The following COMMD9 variants were observed in gnomAD, a reference collection of about 807,000 sequenced individuals.
COMMD9 encodes COMM domain containing 9, also known as COMM domain-containing protein 9.
In COMMD9, 22 loss-of-function variants were observed where a neutral mutation model predicts 23.4. The observed-to-expected ratio is 0.94, with a 90% CI of 0.67 to 1.34. The LOEUF (loss-of-function observed/expected upper bound fraction) is 1.34, where lower values mean the gene tolerates loss of function less well. COMMD9 is among the 40% of genes most tolerant of loss of function. The pLI, the probability that COMMD9 is intolerant of heterozygous loss-of-function variation, is 0.00. For missense variants in COMMD9, 231 were observed against 240.2 expected, an observed-to-expected ratio of 0.96 and a Z score of 0.25; for synonymous variants, 99 against 97.4, an observed-to-expected ratio of 1.02 and a Z score of -0.10.
At chr11:36,287,618 A>T (rs67091364) in intron 1 of COMMD9, among the ~76,000 whole-genome samples, 23,070 of 151,746 alleles carry the variant, frequency 0.15, 1,986 homozygotes, top group African/African-American at 0.23. Context: ...GTATTTTTTT[A>T]AAAAAAGAAA....
In COMMD9 at chr11:36,274,317, G is replaced by A. The variant is rs936637445; in HGVS notation, c.*315C>T. ...GATTTGGGCCTGAATTTCTCAAACA[G>A]CTATGCAGAGGCAGCTGACGATGCA... On this transcript the variant is annotated 3_prime_UTR_variant, in exon 6 of 6. Transcript: ENST00000263401. 5.2e-6 allele frequency: 3 copies of A among 576,956 alleles called. No homozygotes were observed. Among genetic ancestry groups the A allele is most frequent in the Admixed American group, 2.2e-5 (1 of 46,122 alleles). 35.7% of individuals were successfully genotyped at this position (576,956 alleles called of 1,614,324 possible).
Position 36,274,199 on chromosome 11 carries a change from C to T in COMMD9, c.*433G>A, listed in dbSNP as rs1855929003. The T allele has an allele frequency of 2.2e-6, 1 of 452,088 alleles. No individual in the cohort carries two copies. Among genetic ancestry groups the T allele is most frequent in the African/African-American group, 2.0e-5 (1 of 50,072 alleles). 28.0% of individuals were successfully genotyped at this position (452,088 alleles called of 1,614,324 possible). ...ACAGAGGAGCAGGAACTGCTGGCATCACCTGTCCGATTCCCTCCATGTGTT... is the reference window on the plus strand; with the variant it reads ...ACAGAGGAGCAGGAACTGCTGGCATTACCTGTCCGATTCCCTCCATGTGTT... On this transcript the variant is annotated 3_prime_UTR_variant, in exon 6 of 6. Coordinates refer to ENST00000263401, the MANE Select transcript of COMMD9 (RefSeq NM_014186.4).
At chr11:36,286,410 A>AAAAAAAAAAG (rs1285648187) in intron 1 of COMMD9, among the ~76,000 whole-genome samples, 12 of 104,822 alleles carry the variant, frequency 1.1e-4, no homozygotes, top group African/African-American at 2.7e-4. Context: ...AAAAAAAAAA[A>AAAAAAAAAAG]AAAGAAAGAA....
rs1013363155 is a variant in COMMD9, at chr11:36,274,031, G to A, written c.*601C>T. The A allele has an allele frequency of 1.8e-4, 47 of 254,452 alleles. No homozygotes were observed. The highest frequency in any genetic ancestry group is 3.1e-4 in the Non-Finnish European group (39 of 124,100). 15.8% of individuals were successfully genotyped at this position (254,452 alleles called of 1,614,324 possible). On this transcript the variant is annotated 3_prime_UTR_variant, in exon 6 of 6. Transcript: ENST00000263401. ...CCTAGGAGTGGCTGCATTAGATGAA[G>A]GAAGAGGGCCCTGGTTTCATGAAGA...
At chr11:36,278,248 C>A in intron 3 of COMMD9, 1 of 446,564 alleles carries the variant, frequency 2.2e-6, no homozygotes, top group Non-Finnish European at 3.9e-6. Flanking sequence ...AAACATCAAC[C>A]TCTTACAGAG....
At position 36,289,371 on chromosome 11, in the gene COMMD9, G is replaced by A; in HGVS notation, c.42C>T (p.Ser14=). ...CACCCCTTCGACTTACCTTGAGCAG[G>A]CTCTGGAGTGCTGCAAAATGCTCCG... The part of the protein sequence containing the change: ...LTAEHFAALQ[S]LLKASSKDVV... Residue 14 remains serine, a synonymous_variant, in exon 1 of 6, where the codon AGC becomes AGT. Coordinates refer to ENST00000263401, the MANE Select transcript of COMMD9 (RefSeq NM_014186.4). 1 of 1,551,860 alleles carries A rather than the reference G, an allele frequency of 6.4e-7. No homozygotes were observed. Among genetic ancestry groups the A allele is most frequent in the Non-Finnish European group, 8.7e-7 (1 of 1,147,066 alleles).
intron 5 of COMMD9, among the ~76,000 whole-genome samples, chr11:36,275,653 A>G (rs1428499579): frequency 6.6e-6 from 1 of 152,196 alleles, no homozygotes; most frequent in Non-Finnish European, 1.5e-5. Context: ...CATGTTGGCA[A>G]GGATGGTCTT....
Position 36,272,907 on chromosome 11 carries a change from A to G in COMMD9, c.*1725T>C, listed in dbSNP as rs1396105283. ...TCTCAATGAGCTGGTTTCCTGGTCA[A>G]TAAAGGGAGGATGATAATACTAATT... On this transcript the variant is annotated 3_prime_UTR_variant, in exon 6 of 6. Coordinates refer to ENST00000263401, the MANE Select transcript of COMMD9 (RefSeq NM_014186.4). The G allele has an allele frequency of 6.6e-6, 1 of 152,220 alleles. No individual in the cohort carries two copies. Among genetic ancestry groups the G allele is most frequent in the East Asian group, 1.9e-4 (1 of 5,202 alleles). 9.4% of individuals were successfully genotyped at this position (152,220 alleles called of 1,614,324 possible).
At chr11:36,286,463 G>C (rs73443110) in intron 1 of COMMD9, among the ~76,000 whole-genome samples, 2,451 of 151,240 alleles carry the variant, frequency 0.016, 61 homozygotes, top group African/African-American at 0.055. Flanking sequence ...GCCTGGAGGG[G>C]TGGTGGGCAC....
At chr11:36,285,531 G>C (rs1440846032) in intron 1 of COMMD9, among the ~76,000 whole-genome samples, 2 of 152,016 alleles carry the variant, frequency 1.3e-5, no homozygotes, top group Non-Finnish European at 2.9e-5. Context: ...GTATTACCCT[G>C]ATACCAAAAC....
At chr11:36,286,402 AAAAAAAAAAAAGAAAG>A (rs1856153613) in intron 1 of COMMD9, among the ~76,000 whole-genome samples, 2 of 85,146 alleles carry the variant, frequency 2.3e-5, no homozygotes, top group Non-Finnish European at 4.7e-5. Context: ...ATACAAAAAA[AAAAAAAAAAAAGAAAG>A]AAAGAAAGAA....
At chr11:36,282,580 C>G (rs932758261) in intron 1 of COMMD9, among the ~76,000 whole-genome samples, 1 of 151,980 alleles carries the variant, frequency 6.6e-6, no homozygotes, top group Non-Finnish European at 1.5e-5. Context: ...AAGAAGAAAT[C>G]GAGACATTCT....
chr11:36,280,775 G>C lies in COMMD9; in HGVS notation c.114C>G (p.Gly38=). 1 of 1,610,384 alleles carries C rather than the reference G, an allele frequency of 6.2e-7. No homozygotes were observed. Among genetic ancestry groups the C allele is most frequent in the Non-Finnish European group, 8.5e-7 (1 of 1,177,666 alleles). Residue 38 remains glycine (G), a synonymous_variant, in exon 2 of 6, where the codon GGC becomes GGG. Transcript: ENST00000263401. ...ATGTAACATCCAAGAGTTTTTTCAA[G>C]CCAAGGGCTGAACTGGAAAAGCTTT... is the stretch of plus-strand genomic sequence containing the variant. The part of the protein sequence containing the change: ...CQESFSSSAL[G]LKKLLDVTCS...
intron 1 of COMMD9, among the ~76,000 whole-genome samples, chr11:36,286,410 A>AAAAAAAAAAAAAAAAG (rs1285648187): frequency 1.9e-5 from 2 of 104,824 alleles, no homozygotes; most frequent in Non-Finnish European, 3.6e-5. Context: ...AAAAAAAAAA[A>AAAAAAAAAAAAAAAAG]AAAGAAAGAA....
chr11:36,274,515 C>A lies in COMMD9; in HGVS notation c.*117G>T. 7.6e-7 allele frequency: 1 copy of A among 1,317,548 alleles called. No individual in the cohort carries two copies. Among genetic ancestry groups the A allele is most frequent in the Non-Finnish European group, 1.1e-6 (1 of 929,832 alleles). 81.6% of individuals were successfully genotyped at this position (1,317,548 alleles called of 1,614,324 possible). A position where few individuals can be genotyped will look rare whatever the true frequency, so the allele number is the denominator to read the frequency against. ...ACTTCTGGATGGCAGTAGCCCCCTGCTGTCCCCACCATCCTGCCTGTTGTC... is the reference window on the plus strand; with the variant it reads ...ACTTCTGGATGGCAGTAGCCCCCTGATGTCCCCACCATCCTGCCTGTTGTC... On this transcript the variant is annotated 3_prime_UTR_variant, in exon 6 of 6. Transcript: ENST00000263401.
chr11:36,278,030 A>C (rs573234521), intron 3 of COMMD9, among the ~76,000 whole-genome samples: 1 of 152,348 alleles, frequency 6.6e-6, no homozygotes, highest in South Asian at 2.1e-4. Flanking sequence ...TAAATTGTTC[A>C]CTGAAATGAA....
chr11:36,277,527 CAACA>C (rs1385798470), intron 3 of COMMD9, among the ~76,000 whole-genome samples: 1 of 152,160 alleles, frequency 6.6e-6, no homozygotes, highest in Non-Finnish European at 1.5e-5. Context: ...ACTAATGCTA[CAACA>C]AACATAATAA....
chr11:36,281,498 CTCA>C (rs1247264703), intron 1 of COMMD9, among the ~76,000 whole-genome samples: 1 of 152,164 alleles, frequency 6.6e-6, no homozygotes, highest in Non-Finnish European at 1.5e-5. Context: ...GGTAACAAGC[CTCA>C]TCATTCTGTG....
chr11:36,286,891 G>A lies in COMMD9; in HGVS notation c.51+2471C>T, dbSNP rs565029021. ...GAAATGAATAACGCCAAAGGTTAAGGAGAGTGTGGCTATTCATGAGGAATC... is the reference window on the plus strand; with the variant it reads ...GAAATGAATAACGCCAAAGGTTAAGAAGAGTGTGGCTATTCATGAGGAATC... On this transcript the variant is annotated intron_variant, in intron 1 of 5. Coordinates refer to ENST00000263401, the MANE Select transcript of COMMD9 (RefSeq NM_014186.4). 2.0e-5 allele frequency among the ~76,000 whole-genome samples: 3 copies of A among 152,232 alleles called. No homozygotes were observed. The East Asian group carries it at 5.8e-4, about 29-fold the overall frequency.
Sources: gnomAD v4.1 joint callset for allele counts (sites outside exome capture counted in the v4.1 genomes callset) on GRCh38, gnomAD v4.1.1 for gene constraint, MANE v1.5 for transcripts, NCBI Gene and HGNC (gene_info 2026-07-23, HGNC 2026-07-21) for gene names.